The following RIT2 variants were observed in gnomAD, a reference collection of about 807,000 sequenced individuals.
RIT2 encodes the protein Ras like without CAAX 2.
A neutral mutation model predicts 23.7 loss-of-function variants in RIT2; 24 were observed. The ratio of observed to expected loss-of-function variants is 1.01; its 90% confidence interval spans 0.73 to 1.43. RIT2 has a LOEUF of 1.43. Among genes scored for constraint, RIT2 ranks in the 40% most tolerant of loss-of-function variants. The probability of loss-of-function intolerance (pLI) is 0.00; values close to 1 mark genes in which losing one functional copy is unlikely to be tolerated. For synonymous variants in RIT2, 107 were observed against 91.1 expected, an observed-to-expected ratio of 1.17 and a Z score of -0.99; for missense variants, 236 against 266.9, an observed-to-expected ratio of 0.88 and a Z score of 0.81.
chr18:42,805,384 C>T (rs558002881), intron 4 of RIT2, among the ~76,000 whole-genome samples: 2 of 152,276 alleles, frequency 1.3e-5, no homozygotes, highest in African/African-American at 4.8e-5. Flanking sequence ...TACATGAAGA[C>T]TCTCTGAGCT....
chr18:42,948,459 G>A (rs150381793), intron 3 of RIT2, among the ~76,000 whole-genome samples: 298 of 152,120 alleles, frequency 2.0e-3, no homozygotes, highest in Middle Eastern at 0.01. Flanking sequence ...ATGAACAGGT[G>A]TCTTGTTATA....
chr18:43,068,287 C>T (rs1686867240), intron 1 of RIT2, among the ~76,000 whole-genome samples: 1 of 151,922 alleles, frequency 6.6e-6, no homozygotes, highest in African/African-American at 2.4e-5. Flanking sequence ...GTAAATTGCC[C>T]AAGATCACAC....
intron 3 of RIT2, among the ~76,000 whole-genome samples, chr18:42,934,023 GAAAAAAAAAAAAAAAGAAAA>G (rs1329244273): frequency 3.0e-5 from 1 of 33,648 alleles, no homozygotes; most frequent in Admixed American, 2.8e-4. Flanking sequence ...TCTCACAGAA[GAAAAAAAAAAAAAAAGAAAA>G]AAAAAAAAAG....
intron 1 of RIT2, among the ~76,000 whole-genome samples, chr18:43,105,642 A>G: frequency 6.6e-6 from 1 of 152,180 alleles, no homozygotes; most frequent in Non-Finnish European, 1.5e-5. Flanking sequence ...CTTAATGAGG[A>G]AAAGGGAGAC....
At chr18:42,977,557 G>A (rs546108281) in intron 2 of RIT2, among the ~76,000 whole-genome samples, 2 of 152,004 alleles carry the variant, frequency 1.3e-5, no homozygotes, top group East Asian at 3.9e-4. Flanking sequence ...GTATAATGGT[G>A]AGTAACTCTC....
intron 3 of RIT2, among the ~76,000 whole-genome samples, chr18:42,952,267 A>G (rs1909869120): frequency 6.6e-6 from 1 of 152,168 alleles, no homozygotes; most frequent in African/African-American, 2.4e-5. Context: ...AATAAGTGAA[A>G]TAAGCCAGAC....
intron 2 of RIT2, among the ~76,000 whole-genome samples, chr18:42,992,632 G>C (rs754773742): frequency 1.3e-5 from 2 of 152,012 alleles, no homozygotes; most frequent in Non-Finnish European, 2.9e-5. Context: ...CTCACACCCA[G>C]TCTGGCTTAC....
At chr18:42,987,314 A>G (rs1376520175) in intron 2 of RIT2, among the ~76,000 whole-genome samples, 2 of 152,170 alleles carry the variant, frequency 1.3e-5, no homozygotes, top group Non-Finnish European at 2.9e-5. Context: ...GAAGCATGAA[A>G]CAAGCATGTG....
Position 42,923,641 on chromosome 18 carries a change from C to A in RIT2, c.357G>T (p.Gln119His), listed in dbSNP as rs1334488835. The change falls in exon 4 of 5, where the codon CAG (glutamine) becomes CAT (histidine). Residue 119 changes from glutamine to histidine, a missense_variant. By Grantham distance (24) the Gln-to-His change is conservative (BLOSUM62 0). Coordinates refer to ENST00000326695, the MANE Select transcript of RIT2 (RefSeq NM_002930.4). Reference sequence around the variant, plus strand: ...GGGGAATTTCATAGGTGTGGCGGACCTGAAAAATGAGCTCTTTAAACTTGG... The same window carrying A: ...GGGGAATTTCATAGGTGTGGCGGACATGAAAAATGAGCTCTTTAAACTTGG... Reference protein sequence around the residue: ...EAAKFKELIFQVRHTYEIPLV... With the variant: ...EAAKFKELIFHVRHTYEIPLV... 1 of 1,613,204 alleles carries A rather than the reference C, an allele frequency of 6.2e-7. No homozygotes were observed. The highest frequency in any genetic ancestry group is 8.5e-7 in the Non-Finnish European group (1 of 1,179,626).
intron 4 of RIT2, among the ~76,000 whole-genome samples, chr18:42,854,277 T>C (rs1907128032): frequency 1.3e-5 from 2 of 152,194 alleles, no homozygotes; most frequent in Admixed American, 1.3e-4. Flanking sequence ...GAAGATGATA[T>C]AACCTTAGTT....
intron 2 of RIT2, among the ~76,000 whole-genome samples, chr18:43,017,236 G>A (rs538040881): frequency 5.9e-5 from 9 of 151,924 alleles, no homozygotes; most frequent in South Asian, 4.1e-4. Context: ...TTTTAGGTAC[G>A]CTTAAAATAG....
At chr18:43,087,274 G>A (rs1224093371) in intron 1 of RIT2, among the ~76,000 whole-genome samples, 1 of 151,846 alleles carries the variant, frequency 6.6e-6, no homozygotes, top group Non-Finnish European at 1.5e-5. Flanking sequence ...AAAGTAAAGA[G>A]TAGGTATTCA....
intron 4 of RIT2, among the ~76,000 whole-genome samples, chr18:42,885,147 G>A (rs567992552): frequency 3.9e-5 from 6 of 152,318 alleles, no homozygotes; most frequent in Admixed American, 1.3e-4. Flanking sequence ...AATAAAATGA[G>A]AGCATTGAAA....
intron 4 of RIT2, among the ~76,000 whole-genome samples, chr18:42,804,144 T>C (rs1905612488): frequency 6.6e-6 from 1 of 152,164 alleles, no homozygotes; most frequent in East Asian, 1.9e-4. Flanking sequence ...AGTCAGGATG[T>C]CCCAAGGGAA....
intron 4 of RIT2, among the ~76,000 whole-genome samples, chr18:42,849,198 C>T (rs778194708): frequency 4.6e-5 from 7 of 152,168 alleles, no homozygotes; most frequent in African/African-American, 9.7e-5. Flanking sequence ...ACTCTATATA[C>T]TGCCTTTGAA....
At chr18:42,817,164 A>G (rs1906021687) in intron 4 of RIT2, among the ~76,000 whole-genome samples, 1 of 152,176 alleles carries the variant, frequency 6.6e-6, no homozygotes, top group African/African-American at 2.4e-5. Context: ...TAGCTATTTA[A>G]ACAGATCTGA....
chr18:43,047,896 T>G (rs941883473), intron 1 of RIT2, among the ~76,000 whole-genome samples: 1 of 152,158 alleles, frequency 6.6e-6, no homozygotes, highest in African/African-American at 2.4e-5. Context: ...AGTTCTACTG[T>G]TTAAACCCAT....
intron 2 of RIT2, among the ~76,000 whole-genome samples, chr18:43,016,507 A>G (rs1412080796): frequency 6.6e-6 from 1 of 151,844 alleles, no homozygotes; most frequent in Non-Finnish European, 1.5e-5. Flanking sequence ...TTTTCATCAT[A>G]TAAATTCTAA....
At chr18:42,920,773 A>C (rs1909035814) in intron 4 of RIT2, 1 of 1,573,594 alleles carries the variant, frequency 6.4e-7, no homozygotes, top group African/African-American at 1.3e-5. Flanking sequence ...GATAAGGAAT[A>C]AGAATTGCTT....
Sources: allele counts gnomAD v4.1 joint callset (sites outside exome capture counted in the v4.1 genomes callset), GRCh38; gene constraint gnomAD v4.1.1; transcripts MANE v1.5; gene names NCBI Gene and HGNC (gene_info 2026-07-23, HGNC 2026-07-21).